Variants in SNTG1 observed in about 807,000 individuals in gnomAD.
SNTG1 encodes syntrophin gamma 1, also known as gamma-1-syntrophin.
SNTG1 carries 39 observed loss-of-function variants against 74.7 expected under a neutral mutation model. The ratio of observed to expected loss-of-function variants is 0.52; its 90% CI spans 0.40 to 0.68. The LOEUF (loss-of-function observed/expected upper bound fraction) is 0.68. Among genes scored for constraint, SNTG1 ranks in the 30% least tolerant of loss-of-function variants. The probability of loss-of-function intolerance (pLI) is 0.00; values close to 1 mark genes in which losing one functional copy is unlikely to be tolerated. For missense variants in SNTG1, 685 were observed against 609.5 expected, an observed-to-expected ratio of 1.12 and a Z score of -1.30; for synonymous variants, 254 against 217.1, an observed-to-expected ratio of 1.17 and a Z score of -1.49.
At chr8:50,392,048 C>T (rs1305673670) in intron 2 of SNTG1, among the ~76,000 whole-genome samples, 1 of 152,094 alleles carries the variant, frequency 6.6e-6, no homozygotes, top group East Asian at 1.9e-4. Flanking sequence ...GCCTTGGAAG[C>T]AATCCTAGAA....
At chr8:50,764,555 G>A (rs1254712240) in intron 18 of SNTG1, among the ~76,000 whole-genome samples, 1 of 151,806 alleles carries the variant, frequency 6.6e-6, no homozygotes, top group East Asian at 1.9e-4. Context: ...TAATCATTAG[G>A]AAAATTAGAA....
intron 1 of SNTG1, among the ~76,000 whole-genome samples, chr8:50,059,413 A>G (rs978561122): frequency 2.6e-5 from 4 of 152,088 alleles, no homozygotes; most frequent in Non-Finnish European, 4.4e-5. Context: ...ATATCTACAG[A>G]GGTGTACACC....
At chr8:50,708,826 T>G in intron 16 of SNTG1, 60 bp from the exon 17 acceptor site, 1 of 1,113,328 alleles carries the variant, frequency 9.0e-7, no homozygotes, top group Non-Finnish European at 1.4e-6. Flanking sequence ...GTAACATAGT[T>G]CATAATATTG....
intron 18 of SNTG1, among the ~76,000 whole-genome samples, chr8:50,788,372 A>G (rs2095681793): frequency 6.6e-6 from 1 of 151,956 alleles, no homozygotes; most frequent in Non-Finnish European, 1.5e-5. Context: ...GACTCACTTG[A>G]GTTATGGTTT....
intron 12 of SNTG1, among the ~76,000 whole-genome samples, chr8:50,589,741 AT>A (rs2094679987): frequency 6.6e-6 from 1 of 152,156 alleles, no homozygotes; most frequent in Non-Finnish European, 1.5e-5. Context: ...CTCAGTATAG[AT>A]TTTTTAATTG....
chr8:49,946,941 G>A (rs1458971618), intron 1 of SNTG1, among the ~76,000 whole-genome samples: 4 of 152,034 alleles, frequency 2.6e-5, no homozygotes, highest in East Asian at 1.9e-4. Context: ...CAACATATAC[G>A]TTTAACACAT....
intron 2 of SNTG1, among the ~76,000 whole-genome samples, chr8:50,194,337 C>A (rs1176883257): frequency 6.6e-6 from 1 of 152,032 alleles, no homozygotes; most frequent in African/African-American, 2.4e-5. Context: ...ATTAGCATTT[C>A]CATCTCCCTG....
intron 18 of SNTG1, among the ~76,000 whole-genome samples, chr8:50,765,609 T>C (rs1467044919): frequency 6.6e-6 from 1 of 152,054 alleles, no homozygotes; most frequent in Non-Finnish European, 1.5e-5. Flanking sequence ...TCCAACATAG[T>C]ACTATGTTTA....
At chr8:50,780,918 GC>G (rs892901482) in intron 18 of SNTG1, among the ~76,000 whole-genome samples, 1 of 152,152 alleles carries the variant, frequency 6.6e-6, no homozygotes, top group Non-Finnish European at 1.5e-5. Context: ...TGTTCTCGTT[GC>G]TTTCAAAGAA....
chr8:50,363,444 A>G (rs1222311578), intron 2 of SNTG1, among the ~76,000 whole-genome samples: 1 of 152,132 alleles, frequency 6.6e-6, no homozygotes, highest in South Asian at 2.1e-4. Context: ...GGTCATTGCA[A>G]TCAGGCTTTT....
chr8:50,581,270 A>C (rs1445809657), intron 12 of SNTG1, among the ~76,000 whole-genome samples: 46 of 152,196 alleles, frequency 3.0e-4, no homozygotes, highest in Admixed American at 3.0e-3. Context: ...GATCACTTGC[A>C]GAAGTCACCA....
At chr8:50,526,406 T>C (rs2094219917) in intron 9 of SNTG1, among the ~76,000 whole-genome samples, 1 of 152,120 alleles carries the variant, frequency 6.6e-6, no homozygotes. Flanking sequence ...AATGAAATGG[T>C]CTTTTTACCC....
At chr8:50,071,972 G>A (rs1319080474) in intron 1 of SNTG1, among the ~76,000 whole-genome samples, 1 of 152,028 alleles carries the variant, frequency 6.6e-6, no homozygotes, top group Non-Finnish European at 1.5e-5. Context: ...CTATTTTCTT[G>A]CTATTATATT....
intron 2 of SNTG1, among the ~76,000 whole-genome samples, chr8:50,348,388 G>A (rs546820916): frequency 1.2e-3 from 185 of 152,180 alleles, no homozygotes; most frequent in Non-Finnish European, 2.0e-3. Context: ...CCCACTACCC[G>A]CTCCTTTCTG....
At chr8:50,782,507 G>A (rs1422316155) in intron 18 of SNTG1, among the ~76,000 whole-genome samples, 1 of 152,086 alleles carries the variant, frequency 6.6e-6, no homozygotes, top group Non-Finnish European at 1.5e-5. Flanking sequence ...TGGCTCCTGA[G>A]GCTTCTGCAT....
At chr8:50,092,338 A>G (rs1563580959) in intron 1 of SNTG1, among the ~76,000 whole-genome samples, 1 of 152,188 alleles carries the variant, frequency 6.6e-6, no homozygotes, top group Non-Finnish European at 1.5e-5. Flanking sequence ...AGAGCCACTG[A>G]GGCAGCTATC....
At chr8:50,690,752 T>C (rs935588203) in intron 15 of SNTG1, among the ~76,000 whole-genome samples, 13 of 152,202 alleles carry the variant, frequency 8.5e-5, no homozygotes, top group South Asian at 2.1e-4. Context: ...GTTCTGCAGA[T>C]GTCTATTAGG....
intron 1 of SNTG1, among the ~76,000 whole-genome samples, chr8:49,916,588 G>A (rs1806058697): frequency 6.6e-6 from 1 of 152,016 alleles, no homozygotes. Flanking sequence ...CACAATTTCG[G>A]TCTAAGATTT....
chr8:50,771,353 G>C (rs552430670), intron 18 of SNTG1, among the ~76,000 whole-genome samples: 1 of 152,064 alleles, frequency 6.6e-6, no homozygotes, highest in Non-Finnish European at 1.5e-5. Flanking sequence ...GCATTATGTC[G>C]ATGCCCTAGT....
Sources: gnomAD v4.1 joint callset for allele counts (sites outside exome capture counted in the v4.1 genomes callset) on GRCh38, gnomAD v4.1.1 for gene constraint, MANE v1.5 for transcripts, NCBI Gene and HGNC (gene_info 2026-07-23, HGNC 2026-07-21) for gene names.